The following GPRC5D variants were observed in gnomAD, a reference collection of about 807,000 sequenced individuals.
The protein encoded by GPRC5D is G protein-coupled receptor family C group 5 member D.
GPRC5D carries 20 observed loss-of-function variants against 29.3 expected under a neutral mutation model. The observed-to-expected ratio is 0.68, with a 90% confidence interval of 0.48 to 0.99. The LOEUF (loss-of-function observed/expected upper bound fraction) is 0.99, where lower values mean the gene tolerates loss of function less well. Ranked by LOEUF, GPRC5D falls within the 50% of genes least tolerant of loss-of-function variation. The probability of loss-of-function intolerance (pLI) is 0.00; values close to 1 mark genes in which losing one functional copy is unlikely to be tolerated. For synonymous variants in GPRC5D, 178 were observed against 171.3 expected (o/e 1.04, Z -0.30); for missense variants, 384 against 423.6 (o/e 0.91, Z 0.82).
At chr12:12,944,210 C>T (rs10845678) in intron 1 of GPRC5D, among the ~76,000 whole-genome samples, 67,311 of 151,952 alleles carry the variant, frequency 0.44, 17,059 homozygotes, top group Non-Finnish European at 0.57. Context: ...CTCAAGTGAT[C>T]CATCTCACGG....
intron 1 of GPRC5D, among the ~76,000 whole-genome samples, chr12:12,948,877 C>T (rs1326313410): frequency 6.6e-6 from 1 of 152,104 alleles, no homozygotes; most frequent in Non-Finnish European, 1.5e-5. Flanking sequence ...TGAGTCTTTA[C>T]TCAGAATTAG....
At chr12:12,951,121 C>T (rs1430719813), upstream of GPRC5D, among the ~76,000 whole-genome samples, 5 of 151,966 alleles carry the variant, frequency 3.3e-5, no homozygotes, top group Non-Finnish European at 7.4e-5. Flanking sequence ...AAACAAAAAC[C>T]GAAAAACAAA....
At chr12:12,949,028 C>T (rs533851177) in intron 1 of GPRC5D, among the ~76,000 whole-genome samples, 8 of 152,108 alleles carry the variant, frequency 5.3e-5, no homozygotes, top group Non-Finnish European at 1.0e-4. Flanking sequence ...TTTAAGATTA[C>T]GTTTGGGCAA....
chr12:12,942,815 A>T (rs1863187677), intron 1 of GPRC5D, among the ~76,000 whole-genome samples: 1 of 152,202 alleles, frequency 6.6e-6, no homozygotes, highest in South Asian at 2.1e-4. Context: ...TTTAAAGTTG[A>T]TGTAGAAAGC....
intron 1 of GPRC5D, among the ~76,000 whole-genome samples, chr12:12,948,767 C>G (rs1863416035): frequency 6.6e-6 from 1 of 152,132 alleles, no homozygotes; most frequent in Non-Finnish European, 1.5e-5. Context: ...TATTCCTTAA[C>G]AAAGTGGAGT....
At chr12:12,950,314 A>G in exon 1 of GPRC5D, 4 of 1,612,554 alleles carry the variant, frequency 2.5e-6, no homozygotes, top group Non-Finnish European at 3.4e-6. Context: ...CTCCAGAATG[A>G]TGCCCCATGG....
At chr12:12,948,578 A>G (rs1267862648) in intron 1 of GPRC5D, 1 of 154,314 alleles carries the variant, frequency 6.5e-6, no homozygotes, top group African/African-American at 2.4e-5. Flanking sequence ...GAGAAATCAG[A>G]TGCCTATTAA....
intron 2 of GPRC5D, among the ~76,000 whole-genome samples, chr12:12,941,806 G>T (rs1565475272): frequency 6.6e-6 from 1 of 152,164 alleles, no homozygotes; most frequent in Admixed American, 6.5e-5. Flanking sequence ...CCAGTTCTTA[G>T]GGCAGCCTGG....
chr12:12,941,936 C>T (rs1316554259), intron 2 of GPRC5D, among the ~76,000 whole-genome samples: 1 of 152,190 alleles, frequency 6.6e-6, no homozygotes, highest in Non-Finnish European at 1.5e-5. Flanking sequence ...TGTATTGTCC[C>T]CGAGGCAAAA....
At position 12,944,498 on chromosome 12, in the gene GPRC5D, G is replaced by A. The variant is rs371384970; in HGVS notation, c.896-2170C>T. The A allele has an allele frequency of 3.5e-3, 276 of 79,780 alleles. 1 individual carries two copies. Among genetic ancestry groups the A allele is most frequent in the African/African-American group, 8.6e-3 (266 of 31,002 alleles). 4.9% of individuals were successfully genotyped at this position (79,780 alleles called of 1,614,324 possible). On this transcript the variant is annotated intron_variant, in intron 1 of 2. Transcript: ENST00000228887. ...CCTGGTAAGGTGAGTGTGCCTTGAA[G>A]AAAAAAATGTTCAAAAAGGGCTATG...
At chr12:12,940,647 G>A (rs946670457), downstream of GPRC5D, 9 of 601,474 alleles carry the variant, frequency 1.5e-5, no homozygotes, top group Admixed American at 1.8e-4. Context: ...GGATGGAGGG[G>A]TTAGGAAACA....
At chr12:12,943,120 C>A (rs535390562) in intron 1 of GPRC5D, among the ~76,000 whole-genome samples, 27 of 152,246 alleles carry the variant, frequency 1.8e-4, no homozygotes, top group African/African-American at 6.0e-4. Flanking sequence ...TAAAATTGGG[C>A]ATAATAAAAG....
chr12:12,942,319 C>G (rs1402285222), exon 2 of GPRC5D: 1 of 1,611,592 alleles, frequency 6.2e-7, no homozygotes, highest in Non-Finnish European at 8.5e-7. Flanking sequence ...AGCTCCATCA[C>G]TGTCTCGGGC....
chr12:12,940,950 C>CTCA, intron 2 of GPRC5D, 101 bp from the exon 4 acceptor site: 1 of 765,310 alleles, frequency 1.3e-6, no homozygotes, highest in Non-Finnish European at 2.3e-6. Context: ...CTTGCTCTGT[C>CTCA]ACCCAGGCTG....
At chr12:12,944,819 TTCC>T (rs1565477071) in intron 1 of GPRC5D, among the ~76,000 whole-genome samples, 1,113 of 9,512 alleles carry the variant, frequency 0.12, 149 homozygotes, top group Admixed American at 0.17. Flanking sequence ...CCTTCCTTCC[TTCC>T]TTCCTTCCTT....
At chr12:12,941,848 C>A (rs942314461) in intron 2 of GPRC5D, among the ~76,000 whole-genome samples, 2 of 152,154 alleles carry the variant, frequency 1.3e-5, no homozygotes, top group African/African-American at 4.8e-5. Flanking sequence ...CTCAGAGAGG[C>A]AGTCAGTGGG....
chr12:12,951,152 T>C (rs1170358865), upstream of GPRC5D, among the ~76,000 whole-genome samples: 1 of 151,952 alleles, frequency 6.6e-6, no homozygotes, highest in African/African-American at 2.4e-5. Flanking sequence ...ACAAAAAAAG[T>C]AACGTCAAGA....
upstream of GPRC5D, chr12:12,950,452 A>T (rs867384249): frequency 9.5e-7 from 1 of 1,057,124 alleles, no homozygotes; most frequent in African/African-American, 1.6e-5. Flanking sequence ...GATGAGACAA[A>T]TTGACAACTC....
At chr12:12,950,333 C>T (rs563190193) in exon 1 of GPRC5D, 19 of 1,612,056 alleles carry the variant, frequency 1.2e-5, no homozygotes, top group African/African-American at 4.0e-5. Flanking sequence ...GGCCCCTCGG[C>T]GTCACAGAGA....
Sources: gnomAD v4.1 joint callset for allele counts (sites outside exome capture counted in the v4.1 genomes callset) on GRCh38, gnomAD v4.1.1 for gene constraint, MANE v1.5 for transcripts, NCBI Gene and HGNC (gene_info 2026-07-23, HGNC 2026-07-21) for gene names.